IQGAP2: variants seen among roughly 807,000 people sequenced by gnomAD.
IQGAP2 encodes the protein IQ motif containing GTPase activating protein 2.
A neutral mutation model predicts 201.3 loss-of-function variants in IQGAP2; 173 were observed. The ratio of observed to expected loss-of-function variants is 0.86; its 90% confidence interval spans 0.76 to 0.98. The LOEUF is 0.98. Among genes scored for constraint, IQGAP2 ranks in the 50% least tolerant of loss-of-function variants. The pLI is 0.00. For synonymous variants in IQGAP2, 675 were observed against 673.9 expected (o/e 1.00, Z -0.03); for missense variants, 1,687 against 1,864.8 (o/e 0.90, Z 1.76).
At chr5:76,642,394 C>T (rs1378524567) in intron 17 of IQGAP2, among the ~76,000 whole-genome samples, 1 of 152,098 alleles carries the variant, frequency 6.6e-6, no homozygotes, top group African/African-American at 2.4e-5. Flanking sequence ...CCTTTTTCCT[C>T]CACCTCAGCA....
At chr5:76,671,732 A>G in intron 23 of IQGAP2, 27 bp from the exon 24 acceptor site, 3 of 1,490,410 alleles carry the variant, frequency 2.0e-6, no homozygotes, top group East Asian at 2.3e-5. Context: ...GAAGCAAACC[A>G]TTTTGTTTTG....
intron 2 of IQGAP2, among the ~76,000 whole-genome samples, chr5:76,516,480 T>G (rs899255495): frequency 2.0e-5 from 3 of 152,238 alleles, no homozygotes; most frequent in African/African-American, 7.2e-5. Context: ...GATGGCATAT[T>G]TTTTTCAAGT....
chr5:76,476,277 G>A (rs1401569304), intron 2 of IQGAP2, among the ~76,000 whole-genome samples: 1 of 152,150 alleles, frequency 6.6e-6, no homozygotes, highest in Non-Finnish European at 1.5e-5. Flanking sequence ...AAGTCCTGGA[G>A]GTCAAGAAAT....
intron 13 of IQGAP2, among the ~76,000 whole-genome samples, chr5:76,623,879 C>T (rs1021556372): frequency 8.1e-5 from 12 of 147,536 alleles, no homozygotes; most frequent in Admixed American, 1.4e-4. Flanking sequence ...TGGCCAGAAC[C>T]TGGCTTTTGA....
intron 3 of IQGAP2, 42 bp from the exon 4 acceptor site, chr5:76,570,538 G>T: frequency 7.3e-7 from 1 of 1,367,764 alleles, no homozygotes; most frequent in Non-Finnish European, 1.0e-6. Flanking sequence ...CACTTTTTGT[G>T]TGGTTCCTTC....
At chr5:76,591,230 C>T (rs1479235464) in intron 8 of IQGAP2, among the ~76,000 whole-genome samples, 1 of 152,174 alleles carries the variant, frequency 6.6e-6, no homozygotes, top group Non-Finnish European at 1.5e-5. Context: ...CATCAACAGA[C>T]CTTACATTAG....
At position 76,658,509 on chromosome 5, in the gene IQGAP2, C is replaced by A; in HGVS notation, c.2371C>A (p.Leu791Met). ...AGTAATTCGCAAATTTGTATACCTG[C>A]TGGACCAAAGTGATTTGGATTTCCA... Reference protein sequence around the residue: ...LTVIRKFVYLLDQSDLDFQEE... With the variant: ...LTVIRKFVYLMDQSDLDFQEE... Residue 791 changes from leucine (L) to methionine (M), a missense_variant, in exon 21 of 36, where the codon CTG becomes ATG. By Grantham distance (15) the Leu-to-Met change is conservative. Coordinates refer to ENST00000274364, the MANE Select transcript of IQGAP2 (RefSeq NM_006633.5). The A allele has an allele frequency of 6.2e-7, 1 of 1,614,014 alleles. No individual in the cohort carries two copies. Among genetic ancestry groups the A allele is most frequent in the South Asian group, 1.1e-5 (1 of 91,030 alleles).
intron 2 of IQGAP2, among the ~76,000 whole-genome samples, chr5:76,520,148 T>TC (rs1272634739): frequency 7.2e-5 from 11 of 152,284 alleles, no homozygotes; most frequent in Admixed American, 3.3e-4. Flanking sequence ...TGTTTTTTTT[T>TC]CCCAAGAGTT....
intron 35 of IQGAP2, among the ~76,000 whole-genome samples, chr5:76,706,351 TTTTTC>T: frequency 7.0e-6 from 1 of 142,624 alleles, no homozygotes; most frequent in Admixed American, 7.0e-5. Flanking sequence ...TTTGTTTTTG[TTTTTC>T]GGGTTTTTTG....
intron 3 of IQGAP2, among the ~76,000 whole-genome samples, chr5:76,563,081 A>G (rs529955999): frequency 6.6e-6 from 1 of 152,168 alleles, no homozygotes; most frequent in Non-Finnish European, 1.5e-5. Flanking sequence ...AAACATCACA[A>G]CAGCTGAGTG....
chr5:76,492,209 G>A (rs1441462928), intron 2 of IQGAP2, among the ~76,000 whole-genome samples: 1 of 152,216 alleles, frequency 6.6e-6, no homozygotes, highest in Non-Finnish European at 1.5e-5. Flanking sequence ...TGTACCTGAG[G>A]AAGGTTGCTG....
chr5:76,665,280 T>G (rs1181969391), intron 22 of IQGAP2, 105 bp downstream of exon 22: 4 of 944,040 alleles, frequency 4.2e-6, no homozygotes, highest in Non-Finnish European at 6.5e-6. Flanking sequence ...ATAGCATACA[T>G]GTTTTGAGCA....
At chr5:76,492,553 A>G (rs1234901508) in intron 2 of IQGAP2, among the ~76,000 whole-genome samples, 1 of 152,166 alleles carries the variant, frequency 6.6e-6, no homozygotes, top group East Asian at 1.9e-4. Context: ...AGTGGGAGGG[A>G]AGGAAGAAAG....
intron 20 of IQGAP2, 116 bp downstream of exon 20, chr5:76,655,119 C>T: frequency 1.4e-6 from 1 of 689,674 alleles, no homozygotes. Context: ...CCCATTGTTT[C>T]CAGTAGATTT....
chr5:76,413,200 A>C (rs1751230398), intron 1 of IQGAP2, among the ~76,000 whole-genome samples: 2 of 110,230 alleles, frequency 1.8e-5, no homozygotes, highest in Admixed American at 1.4e-4. Context: ...ATGGAGTCTC[A>C]CTGTGTCGCC....
At chr5:76,636,996 C>A in intron 15 of IQGAP2, 38 bp from the exon 16 acceptor site, 1 of 1,522,360 alleles carries the variant, frequency 6.6e-7, no homozygotes, top group Non-Finnish European at 8.9e-7. Flanking sequence ...TAAGGGTTCA[C>A]TGTGTCTGTG....
chr5:76,707,545 A>G lies in IQGAP2; in HGVS notation c.*232A>G, dbSNP rs1408854222. The G allele has an allele frequency of 9.9e-6, 4 of 402,704 alleles. No homozygotes were observed. Among genetic ancestry groups the G allele is most frequent in the Non-Finnish European group, 1.8e-5 (4 of 226,854 alleles). The allele number at this position is 402,704 out of a possible 1,614,324, so 24.9% of individuals were successfully genotyped here. A position where few individuals can be genotyped will look rare whatever the true frequency, so the allele number is the denominator to read the frequency against. On this transcript the variant is annotated 3_prime_UTR_variant, in exon 36 of 36. Coordinates refer to ENST00000274364, the MANE Select transcript of IQGAP2 (RefSeq NM_006633.5). ...AAACATATCCACACTGTACTGTGAT[A>G]TAGGTACTCTGATTTAAAACTTTGG... is the stretch of plus-strand genomic sequence containing the variant.
chr5:76,473,498 C>G (rs1199173081), intron 2 of IQGAP2, among the ~76,000 whole-genome samples: 1 of 152,136 alleles, frequency 6.6e-6, no homozygotes, highest in East Asian at 1.9e-4. Flanking sequence ...CTTTCTTGCT[C>G]TCTCTTTTTT....
chr5:76,591,263 A>G (rs1746628292), intron 8 of IQGAP2, among the ~76,000 whole-genome samples: 2 of 152,192 alleles, frequency 1.3e-5, no homozygotes, highest in South Asian at 4.1e-4. Context: ...TACATTTGGT[A>G]GTAGAGGTTA....
Sources: gnomAD v4.1 joint callset for allele counts (sites outside exome capture counted in the v4.1 genomes callset) on GRCh38, gnomAD v4.1.1 for gene constraint, MANE v1.5 for transcripts, NCBI Gene and HGNC (gene_info 2026-07-23, HGNC 2026-07-21) for gene names.